Variants in INPP5D observed in about 807,000 individuals in gnomAD.
The protein encoded by INPP5D is phosphatidylinositol 3,4,5-trisphosphate 5-phosphatase 1.
Under a neutral mutation model 122.9 loss-of-function variants are expected in INPP5D, and 33 were observed. That is an observed-to-expected ratio of 0.27 (90% CI 0.20 to 0.36). The LOEUF is 0.36. Among genes scored for constraint, INPP5D ranks in the 10% least tolerant of loss-of-function variants. The pLI is 1.00. For missense variants in INPP5D, 1,053 were observed against 1,412.7 expected, an observed-to-expected ratio of 0.75 and a Z score of 4.08; for synonymous variants, 584 against 576.2, an observed-to-expected ratio of 1.01 and a Z score of -0.19.
At chr2:233,155,848 C>T (rs996913619) in intron 9 of INPP5D, among the ~76,000 whole-genome samples, 19 of 152,058 alleles carry the variant, frequency 1.2e-4, no homozygotes, top group African/African-American at 3.1e-4. Flanking sequence ...TGGAAAGTCT[C>T]ACAATGCTGG....
intron 2 of INPP5D, among the ~76,000 whole-genome samples, chr2:233,080,218 C>A (rs1403381140): frequency 6.6e-6 from 1 of 152,184 alleles, no homozygotes; most frequent in African/African-American, 2.4e-5. Flanking sequence ...GCATGAGCCA[C>A]CCCGCCAGGC....
intron 2 of INPP5D, among the ~76,000 whole-genome samples, chr2:233,096,622 A>C (rs1692151330): frequency 6.6e-6 from 1 of 152,216 alleles, no homozygotes; most frequent in South Asian, 2.1e-4. Context: ...ACTGCACTCC[A>C]GCCTGGGTGA....
At chr2:233,143,938 ATGG>A (rs1693680190) in intron 6 of INPP5D, among the ~76,000 whole-genome samples, 1 of 137,658 alleles carries the variant, frequency 7.3e-6, no homozygotes, top group Non-Finnish European at 1.6e-5. Flanking sequence ...GAGGGTGGAG[ATGG>A]TGGTGGTGAT....
chr2:233,165,139 G>A (rs538625614), intron 13 of INPP5D, among the ~76,000 whole-genome samples: 74 of 152,282 alleles, frequency 4.9e-4, no homozygotes, highest in Non-Finnish European at 6.8e-4. Context: ...GAGTGACAGC[G>A]TGCATGTGAG....
rs996545572 is a variant in INPP5D at position 233,183,272 on chromosome 2, G to A, written c.2161+773G>A. On this transcript the variant is annotated intron_variant, in intron 19 of 26. Transcript: ENST00000445964. This position sits in a 1 kb window ranked among gnomAD's most constrained non-coding sequence, Gnocchi z 4.6. ...AGTGGTCACTGGGCTCCTTTAGGAA[G>A]ACCAAGCGTAGGGGACCCAAATACA... 1.3e-5 allele frequency among the ~76,000 whole-genome samples: 2 copies of A among 152,156 alleles called. No individual in the cohort carries two copies. The highest frequency in any genetic ancestry group is 2.4e-5 in the African/African-American group (1 of 41,440).
Sources: allele counts gnomAD v4.1 joint callset (sites outside exome capture counted in the v4.1 genomes callset), GRCh38; gene constraint gnomAD v4.1.1; non-coding constraint Gnocchi (gnomAD v3.1); transcripts MANE v1.5; gene names NCBI Gene and HGNC (gene_info 2026-07-23, HGNC 2026-07-21).